CBLB: variants seen among roughly 807,000 people sequenced by gnomAD.
CBLB encodes Cbl proto-oncogene B.
Under a neutral mutation model 104.9 loss-of-function variants are expected in CBLB, and 31 were observed. The ratio of observed to expected loss-of-function variants is 0.30; its 90% confidence interval spans 0.22 to 0.40. CBLB has a LOEUF of 0.40. Among genes scored for constraint, CBLB ranks in the 10% least tolerant of loss-of-function variants. CBLB has a pLI of 1.00. For missense variants in CBLB, 1,062 were observed against 1,214.6 expected, an observed-to-expected ratio of 0.87 and a Z score of 1.87; for synonymous variants, 440 against 422.6, an observed-to-expected ratio of 1.04 and a Z score of -0.51.
intron 13 of CBLB, among the ~76,000 whole-genome samples, chr3:105,692,769 A>G (rs893425434): frequency 2.0e-5 from 3 of 151,554 alleles, no homozygotes; most frequent in Non-Finnish European, 4.4e-5. Context: ...TGAACAAAAT[A>G]TACCGGAGGA....
intron 3 of CBLB, among the ~76,000 whole-genome samples, chr3:105,816,989 C>T (rs899569597): frequency 1.3e-5 from 2 of 151,976 alleles, no homozygotes; most frequent in Admixed American, 6.6e-5. Context: ...GGTCTAAAGG[C>T]TTATGGAAGA....
At chr3:105,693,652 C>T in intron 12 of CBLB, 64 bp from the exon 13 acceptor site, 3 of 1,021,342 alleles carry the variant, frequency 2.9e-6, no homozygotes, top group Non-Finnish European at 4.6e-6. Flanking sequence ...AAAGCCATAG[C>T]TGCTCTACCA....
rs1706655635 is a variant in CBLB at position 105,868,879 on chromosome 3, C to G, written c.-158G>C. The G allele has an allele frequency of 9.8e-7, 1 of 1,016,616 alleles. No individual in the cohort carries two copies. Among genetic ancestry groups the G allele is most frequent in the South Asian group, 3.8e-5 (1 of 26,284 alleles). The allele number at this position is 1,016,616 out of a possible 1,614,324, so 63.0% of individuals were successfully genotyped here. A position where few individuals can be genotyped will look rare whatever the true frequency, so the allele number is the denominator to read the frequency against. On this transcript the variant is annotated 5_prime_UTR_variant, in exon 1 of 19. Transcript: ENST00000394030. ...CCCGAAGAAGGAGCAACCCAGCGCGCAGGCCTCCGAGACGTGGAAACGCAA... is the reference window on the plus strand; with the variant it reads ...CCCGAAGAAGGAGCAACCCAGCGCGGAGGCCTCCGAGACGTGGAAACGCAA...
chr3:105,798,548 C>G (rs1404758606), intron 3 of CBLB, among the ~76,000 whole-genome samples: 1 of 152,160 alleles, frequency 6.6e-6, no homozygotes, highest in Non-Finnish European at 1.5e-5. Context: ...ACAAAAACAT[C>G]TGATCATACA....
At chr3:105,752,786 T>C (rs894660709) in intron 4 of CBLB, among the ~76,000 whole-genome samples, 5 of 152,184 alleles carry the variant, frequency 3.3e-5, no homozygotes, top group Non-Finnish European at 5.9e-5. Flanking sequence ...GAAGGGCTTG[T>C]TAACATAGCC....
chr3:105,804,477 C>T (rs556236079), intron 3 of CBLB, among the ~76,000 whole-genome samples: 31 of 150,980 alleles, frequency 2.1e-4, no homozygotes, highest in Admixed American at 1.6e-3. Flanking sequence ...GCCAAGATCG[C>T]TCCACTGCAC....
intron 2 of CBLB, among the ~76,000 whole-genome samples, chr3:105,865,380 T>C (rs957665168): frequency 4.4e-4 from 67 of 152,274 alleles, no homozygotes; most frequent in African/African-American, 1.5e-3. Flanking sequence ...ATTTTCATCT[T>C]TGACAAATAA....
intron 10 of CBLB, among the ~76,000 whole-genome samples, chr3:105,713,620 T>C (rs190905457): frequency 6.6e-6 from 1 of 152,340 alleles, no homozygotes; most frequent in East Asian, 1.9e-4. Context: ...TCCTACGACA[T>C]CACACAGCAC....
At chr3:105,747,906 C>T (rs896456657) in intron 5 of CBLB, among the ~76,000 whole-genome samples, 1 of 152,156 alleles carries the variant, frequency 6.6e-6, no homozygotes, top group Non-Finnish European at 1.5e-5. Flanking sequence ...CCAACTGCTA[C>T]AGTATTCAGC....
intron 3 of CBLB, among the ~76,000 whole-genome samples, chr3:105,852,097 TA>T (rs573073099): frequency 1.3e-5 from 2 of 152,212 alleles, no homozygotes; most frequent in Non-Finnish European, 2.9e-5. Context: ...AACATTATTT[TA>T]TAGGGTATTC....
At position 105,685,394 on chromosome 3, in the gene CBLB, G is replaced by A; in HGVS notation, c.2127C>T (p.Tyr709=). The A allele has an allele frequency of 6.2e-7, 1 of 1,610,488 alleles. No homozygotes were observed. Among genetic ancestry groups the A allele is most frequent in the East Asian group, 2.2e-5 (1 of 44,758 alleles). Residue 709 remains tyrosine (Y), a synonymous_variant, in exon 14 of 19, where the codon TAC becomes TAT. Transcript: ENST00000394030. The stretch of plus-strand genomic sequence containing the variant: ...AAACAGGGTGGGATGAAGGAATCTT[G>A]TATTCATCATCATCTTCCTCTACTG... ...RDPVEEDDDE[Y]KIPSSHPVSL...
chr3:105,867,694 G>A (rs2221379), intron 1 of CBLB, 103 bp from the exon 2 acceptor site: 983,329 of 988,000 alleles, frequency 1, 489,490 homozygotes, highest in East Asian at 1. Flanking sequence ...TTCCTCCATC[G>A]ATTAGAGCAA....
At chr3:105,839,532 G>C (rs2089213881) in intron 3 of CBLB, 2 of 152,212 alleles carry the variant, frequency 1.3e-5, no homozygotes, top group Admixed American at 1.3e-4. Context: ...GTTTAAAAAT[G>C]CCAAGTTTTT....
At chr3:105,789,515 C>T (rs566781772) in intron 3 of CBLB, among the ~76,000 whole-genome samples, 14 of 152,258 alleles carry the variant, frequency 9.2e-5, no homozygotes, top group Non-Finnish European at 1.9e-4. Context: ...ATTCCCAAAA[C>T]GTATTTACTT....
At chr3:105,725,907 T>C (rs527701795) in intron 9 of CBLB, among the ~76,000 whole-genome samples, 11 of 152,254 alleles carry the variant, frequency 7.2e-5, no homozygotes, top group African/African-American at 2.4e-4. Context: ...TGGGGTGCAG[T>C]GCCGTGATCT....
chr3:105,702,084 T>C lies in CBLB; in HGVS notation c.1959+10A>G. 6.2e-7 allele frequency: 1 copy of C among 1,614,064 alleles called. No individual in the cohort carries two copies. The highest frequency in any genetic ancestry group is 8.5e-7 in the Non-Finnish European group (1 of 1,179,980). On this transcript the variant is annotated intron_variant, in intron 12 of 18. Coordinates refer to ENST00000394030, the MANE Select transcript of CBLB (RefSeq NM_170662.5). The stretch of plus-strand genomic sequence containing the variant: ...CAGATTCTCTAGCTTCTGCTTTGCG[T>C]ATTTCTTACCTTAGCTCCTTCTAAA...
At chr3:105,768,564 T>C (rs1444674550) in intron 4 of CBLB, among the ~76,000 whole-genome samples, 1 of 152,224 alleles carries the variant, frequency 6.6e-6, no homozygotes, top group Non-Finnish European at 1.5e-5. Context: ...TTAAAGATTA[T>C]ATTGAAAATG....
chr3:105,704,225 T>C, intron 10 of CBLB, 52 bp from the exon 11 acceptor site: 2 of 1,526,368 alleles, frequency 1.3e-6, no homozygotes, highest in Non-Finnish European at 1.8e-6. Flanking sequence ...TGCAGAGTGT[T>C]CTCTGTTCTT....
At chr3:105,678,409 T>G in intron 17 of CBLB, 22 bp downstream of exon 17, 3 of 1,612,962 alleles carry the variant, frequency 1.9e-6, no homozygotes, top group Non-Finnish European at 2.5e-6. Context: ...GTGAATAGTT[T>G]TCTTTGGCTT....
Sources: gnomAD v4.1 joint callset for allele counts (sites outside exome capture counted in the v4.1 genomes callset) on GRCh38, gnomAD v4.1.1 for gene constraint, MANE v1.5 for transcripts, NCBI Gene and HGNC (gene_info 2026-07-23, HGNC 2026-07-21) for gene names.